Variants in DOK7 observed in about 807,000 individuals in gnomAD.
The protein encoded by DOK7 is docking protein 7, also known as protein Dok-7.
In DOK7, 32 loss-of-function variants were observed where a neutral mutation model predicts 30.7. That is an observed-to-expected ratio of 1.04 (90% CI 0.79 to 1.40). The LOEUF is 1.40. Ranked by LOEUF, DOK7 falls within the 40% of genes most tolerant of loss-of-function variation. The pLI is 0.00. For synonymous variants in DOK7, 447 were observed against 324.1 expected, an observed-to-expected ratio of 1.38 and a Z score of -4.07; for missense variants, 1,007 against 699.2, an observed-to-expected ratio of 1.44 and a Z score of -4.97.
At chr4:3,490,111 CAT>C (rs1491090036) in intron 6 of DOK7, among the ~76,000 whole-genome samples, 22 of 23,730 alleles carry the variant, frequency 9.3e-4, no homozygotes, top group South Asian at 2.3e-3. Context: ...TCTTCACCCC[CAT>C]TCATTCCTTT....
At chr4:3,468,646 G>C (rs1466156566) in intron 2 of DOK7, among the ~76,000 whole-genome samples, 1 of 140,612 alleles carries the variant, frequency 7.1e-6, no homozygotes, top group African/African-American at 2.5e-5. Context: ...GCCTGTGTGT[G>C]TGCATGTATG....
At position 3,493,571 on chromosome 4, in the gene DOK7, C is replaced by CA; in HGVS notation, c.*71dup. ...CCCCAGATGGCAGAGGAAGTGGCGC[C>CA]AGCCTCCTTGCAGACTGGTGCTCTG... On this transcript the variant is annotated 3_prime_UTR_variant, in exon 7 of 7. Coordinates refer to ENST00000340083, the MANE Select transcript of DOK7 (RefSeq NM_173660.5). The CA allele has an allele frequency of 6.4e-7, 1 of 1,568,978 alleles. No individual in the cohort carries two copies. The highest frequency in any genetic ancestry group is 2.4e-5 in the East Asian group (1 of 42,210).
At chr4:3,463,989 G>A (rs915101200) in intron 2 of DOK7, among the ~76,000 whole-genome samples, 2 of 152,186 alleles carry the variant, frequency 1.3e-5, no homozygotes, top group East Asian at 1.9e-4. Context: ...GCTGGGCTGC[G>A]GTAGGGCAGG....
downstream of DOK7, chr4:3,496,877 C>G: frequency 6.5e-7 from 1 of 1,533,448 alleles, no homozygotes; most frequent in African/African-American, 1.4e-5. Flanking sequence ...GCACCTGGAG[C>G]CAGTCCCCCA....
At position 3,493,135 on chromosome 4, in the gene DOK7, C is replaced by T. The variant is rs1384962493; in HGVS notation, c.1149C>T (p.Pro383=). ...TGCCAGCAGCGGGGGCCCCCGAGCC[C>T]AGCCTGTGCACCTGCCTGCCCGGGA... ...LSLPAAGAPE[P]SLCTCLPGTV... The change falls in exon 7 of 7, where the codon CCC becomes CCT. Residue 383 remains proline (P), a synonymous_variant. Coordinates refer to ENST00000340083, the MANE Select transcript of DOK7 (RefSeq NM_173660.5). 2 of 1,599,214 alleles carry T rather than the reference C, an allele frequency of 1.3e-6. No homozygotes were observed. The highest frequency in any genetic ancestry group is 1.7e-6 in the Non-Finnish European group (2 of 1,175,128).
In DOK7 at chr4:3,490,679, G is replaced by A. The variant is rs1358698394; in HGVS notation, c.772+883G>A. ...CTGCTCATTCATTCCTCCCTTCCCC[G>A]CATTCCTTCCTTCCTTCCCCCCTCA... On this transcript the variant is annotated intron_variant, in intron 6 of 6. Coordinates refer to ENST00000340083, the MANE Select transcript of DOK7 (RefSeq NM_173660.5). Among the ~76,000 whole-genome samples the A allele has an allele frequency of 2.4e-4, 10 of 41,408 alleles. No homozygotes were observed. The East Asian group carries it at 3.7e-3, about 15-fold the overall frequency. The allele number at this position is 41,408 out of a possible 152,430, so 27.2% of individuals were successfully genotyped here.
rs1029146932 is a variant in DOK7 at position 3,494,342 on chromosome 4, G to A, written c.*841G>A. On this transcript the variant is annotated 3_prime_UTR_variant, in exon 7 of 7. Transcript: ENST00000340083. ...GGCCCATTGTCCCCCGCCCTGGGTG[G>A]CTTCCTCTTGCACAGCCTGGAGCCT... The A allele has an allele frequency of 1.3e-5, 13 of 985,644 alleles. No individual in the cohort carries two copies. Among genetic ancestry groups the A allele is most frequent in the Admixed American group, 1.2e-4 (2 of 16,284 alleles). The allele number at this position is 985,644 out of a possible 1,614,324, so 61.1% of individuals were successfully genotyped here.
chr4:3,472,442 C>T (rs1046901086), intron 2 of DOK7, among the ~76,000 whole-genome samples: 1 of 152,254 alleles, frequency 6.6e-6, no homozygotes, highest in African/African-American at 2.4e-5. Context: ...CTCGCCGAAG[C>T]CGGGTATCCT....
chr4:3,477,556 T>C (rs1727172402), intron 4 of DOK7, among the ~76,000 whole-genome samples: 1 of 152,212 alleles, frequency 6.6e-6, no homozygotes, highest in Non-Finnish European at 1.5e-5. Flanking sequence ...GCAAACCCAG[T>C]AGGTCTTGTG....
At chr4:3,481,525 G>C (rs1410113219) in intron 4 of DOK7, among the ~76,000 whole-genome samples, 1 of 152,110 alleles carries the variant, frequency 6.6e-6, no homozygotes, top group Non-Finnish European at 1.5e-5. Context: ...CCACTGCCAG[G>C]CTCCAGGCCT....
downstream of DOK7, chr4:3,494,570 GC>G (rs1194201414): frequency 1.4e-5 from 14 of 969,362 alleles, no homozygotes; most frequent in African/African-American, 1.8e-5. Context: ...AAGTCCCCGG[GC>G]CCGGCTTCCC....
intron 4 of DOK7, among the ~76,000 whole-genome samples, chr4:3,480,885 G>T (rs772657141): frequency 6.6e-6 from 1 of 152,224 alleles, no homozygotes; most frequent in Non-Finnish European, 1.5e-5. Flanking sequence ...CTCAGAGGGT[G>T]CGAGGGGAGC....
chr4:3,495,355 T>C (rs924035495), downstream of DOK7, among the ~76,000 whole-genome samples: 6 of 152,224 alleles, frequency 3.9e-5, no homozygotes, highest in Non-Finnish European at 8.8e-5. Flanking sequence ...CCCTCTGTGT[T>C]CCCACGGGTC....
At chr4:3,500,394 G>T in exon 7 of DOK7, 2 of 1,535,910 alleles carry the variant, frequency 1.3e-6, no homozygotes, top group Non-Finnish European at 1.7e-6. Flanking sequence ...GGCCAGCGAG[G>T]GTGTCCGAGG....
rs80112594 is a variant in DOK7, at chr4:3,493,336, A to T, written c.1350A>T (p.Arg450Ser). The change falls in exon 7 of 7, where the codon AGA becomes AGT. Residue 450 changes from arginine (R) to serine (S), a missense_variant. Physicochemically the swap from Arg to Ser is moderately radical, Grantham distance 110. Coordinates refer to ENST00000340083, the MANE Select transcript of DOK7 (RefSeq NM_173660.5). ...AGCPSGWLGT[R>S]RRGLVMEAPQ... Reference sequence around the variant, plus strand: ...GTCCCTCTGGCTGGCTGGGCACGAGACGGCGGGGCCTGGTGATGGAGGCCC... The same window carrying T: ...GTCCCTCTGGCTGGCTGGGCACGAGTCGGCGGGGCCTGGTGATGGAGGCCC... 2 of 1,600,586 alleles carry T rather than the reference A, an allele frequency of 1.2e-6. No individual in the cohort carries two copies. Among genetic ancestry groups the T allele is most frequent in the Admixed American group, 1.7e-5 (1 of 58,492 alleles).
In DOK7 at chr4:3,486,876, G is replaced by A. The variant is rs577336083; in HGVS notation, c.652+1218G>A. Among the ~76,000 whole-genome samples, 14 of 152,260 alleles carry A rather than the reference G, an allele frequency of 9.2e-5. 1 individual carries two copies. The South Asian group carries it at 2.9e-3, about 31-fold the overall frequency. ...GGACAGGGCCGGGCAGGGGCAGCAG[G>A]AGGCTGAGCAGGGCTCCCTGCTCTC... On this transcript the variant is annotated intron_variant, in intron 5 of 6. Coordinates refer to ENST00000340083, the MANE Select transcript of DOK7 (RefSeq NM_173660.5).
rs970805305 is a variant in DOK7, at chr4:3,463,339, C to G, written c.-37C>G. 45 of 1,440,048 alleles carry G rather than the reference C, an allele frequency of 3.1e-5. No homozygotes were observed. Among genetic ancestry groups the G allele is most frequent in the Non-Finnish European group, 4.1e-5 (45 of 1,108,564 alleles). The allele number at this position is 1,440,048 out of a possible 1,614,324, so 89.2% of individuals were successfully genotyped here. A position where few individuals can be genotyped will look rare whatever the true frequency, so the allele number is the denominator to read the frequency against. On this transcript the variant is annotated 5_prime_UTR_variant, in exon 1 of 7. Coordinates refer to ENST00000340083, the MANE Select transcript of DOK7 (RefSeq NM_173660.5). Reference sequence around the variant, plus strand: ...TTGAAAGTGACCCTGGGCTGGGGCGCCGGGGCGAGCGCGGCGGCGCGGAAC... The same window carrying G: ...TTGAAAGTGACCCTGGGCTGGGGCGGCGGGGCGAGCGCGGCGGCGCGGAAC...
chr4:3,493,262 C>T lies in DOK7; in HGVS notation c.1276C>T (p.Pro426Ser), dbSNP rs888628297. ...CCACAGCCCCCCCTCACAGGGCAGCCCCGGCAACAGTGCGGCCAGGGACTC... is the reference window on the plus strand; with the variant it reads ...CCACAGCCCCCCCTCACAGGGCAGCTCCGGCAACAGTGCGGCCAGGGACTC... Reference protein sequence around the residue: ...RDHSPPSQGSPGNSAARDSGG... With the variant: ...RDHSPPSQGSSGNSAARDSGG... The change falls in exon 7 of 7, where the codon CCC becomes TCC. Residue 426 changes from proline (P) to serine (S), a missense_variant. Transcript: ENST00000340083. 1.9e-6 allele frequency: 3 copies of T among 1,611,582 alleles called. No individual in the cohort carries two copies. Among genetic ancestry groups the T allele is most frequent in the Admixed American group, 1.7e-5 (1 of 59,938 alleles).
At position 3,491,512 on chromosome 4, in the gene DOK7, C is replaced by T. The variant is rs1728443126; in HGVS notation, c.773-1247C>T. On this transcript the variant is annotated intron_variant, in intron 6 of 6. Coordinates refer to ENST00000340083, the MANE Select transcript of DOK7 (RefSeq NM_173660.5). ...TCCTTGTCCCTCCGCTTATTCCTTCCTTCTGTCTGTTCATTCATTTCTTCC... is the reference window on the plus strand; with the variant it reads ...TCCTTGTCCCTCCGCTTATTCCTTCTTTCTGTCTGTTCATTCATTTCTTCC... Among the ~76,000 whole-genome samples, 2 of 132,404 alleles carry T rather than the reference C, an allele frequency of 1.5e-5. 1 individual carries two copies. The highest frequency in any genetic ancestry group is 5.1e-4 in the South Asian group (2 of 3,946). 86.9% of individuals were successfully genotyped at this position (132,404 alleles called of 152,430 possible).
Sources: allele counts gnomAD v4.1 joint callset (sites outside exome capture counted in the v4.1 genomes callset), GRCh38; gene constraint gnomAD v4.1.1; transcripts MANE v1.5; gene names NCBI Gene and HGNC (gene_info 2026-07-23, HGNC 2026-07-21).